Variants in SLC11A2 observed in about 807,000 individuals in gnomAD.
SLC11A2 encodes the protein solute carrier family 11 member 2, also known as natural resistance-associated macrophage protein 2.
Under a neutral mutation model 68.0 loss-of-function variants are expected in SLC11A2, and 38 were observed. That is an observed-to-expected ratio of 0.56 (90% CI 0.43 to 0.73). The LOEUF (loss-of-function observed/expected upper bound fraction) is 0.73, where lower values mean the gene tolerates loss of function less well. Ranked by LOEUF, SLC11A2 falls within the 30% of genes least tolerant of loss-of-function variation. The pLI is 0.00. For synonymous variants in SLC11A2, 242 were observed against 250.6 expected (o/e 0.97, Z 0.32); for missense variants, 517 against 690.5 (o/e 0.75, Z 2.82).
the SLC11A2 span, among the ~76,000 whole-genome samples, chr12:50,972,704 C>G: frequency 2.6e-5 from 4 of 152,236 alleles, no homozygotes; most frequent in African/African-American, 9.7e-5. Context: ...ATCGCCTCAC[C>G]CGGGAACCAC....
the SLC11A2 span, among the ~76,000 whole-genome samples, chr12:50,972,264 T>C: frequency 7.2e-5 from 11 of 152,228 alleles, no homozygotes; most frequent in Non-Finnish European, 1.5e-4. Flanking sequence ...TAGCTTTTCC[T>C]ACAAAACCCA....
At chr12:51,014,710 AGG>A (rs1223997061) in intron 1 of SLC11A2, among the ~76,000 whole-genome samples, 1 of 151,752 alleles carries the variant, frequency 6.6e-6, no homozygotes, top group Non-Finnish European at 1.5e-5. Flanking sequence ...AACATTAGCC[AGG>A]CGTGGTGGTA....
At chr12:51,005,049 A>G (rs1452354454) in intron 4 of SLC11A2, 142 bp from the exon 5 acceptor site, 19 of 1,092,470 alleles carry the variant, frequency 1.7e-5, no homozygotes, top group South Asian at 4.1e-5. Flanking sequence ...CTTGAGTTCT[A>G]TAACAGATTT....
the SLC11A2 span, among the ~76,000 whole-genome samples, chr12:50,957,721 C>T: frequency 6.6e-6 from 1 of 151,424 alleles, no homozygotes; most frequent in African/African-American, 2.4e-5. Context: ...CCCATGTCTA[C>T]TAAAAATACA....
chr12:50,964,469 T>C, the SLC11A2 span, among the ~76,000 whole-genome samples: 27,862 of 152,076 alleles, frequency 0.18, 2,916 homozygotes, highest in East Asian at 0.5. Context: ...CTAAAAGATA[T>C]AATGCATTCC....
At chr12:50,994,900 A>G (rs1941555671) in intron 10 of SLC11A2, 1 of 441,448 alleles carries the variant, frequency 2.3e-6, no homozygotes, top group Non-Finnish European at 4.2e-6. Context: ...AAATGATGAC[A>G]AGAGGAGAGG....
chr12:50,981,535 T>G, downstream of SLC11A2: 1 of 541,384 alleles, frequency 1.8e-6, no homozygotes, highest in East Asian at 3.5e-5. Flanking sequence ...ATGACTGTTA[T>G]GAGGTGGGTG....
intron 8 of SLC11A2, among the ~76,000 whole-genome samples, chr12:50,998,387 A>G (rs971627628): frequency 2.0e-5 from 3 of 152,170 alleles, no homozygotes; most frequent in Non-Finnish European, 4.4e-5. Context: ...ATAAAAATCT[A>G]AAAATTAAAA....
intron 1 of SLC11A2, among the ~76,000 whole-genome samples, chr12:51,017,139 T>TA (rs552891053): frequency 1.4e-4 from 21 of 145,424 alleles, no homozygotes; most frequent in East Asian, 1.2e-3. Context: ...ATGTATTCTT[T>TA]AAAAAAAAAA....
At chr12:51,028,184 A>G (rs1035323742), upstream of SLC11A2, 3 of 1,534,328 alleles carry the variant, frequency 2.0e-6, no homozygotes, top group East Asian at 2.4e-5. Flanking sequence ...TACTTAGTTC[A>G]CAGTGTGGAG....
chr12:51,016,138 T>C (rs1356946656), intron 1 of SLC11A2, among the ~76,000 whole-genome samples: 1 of 152,108 alleles, frequency 6.6e-6, no homozygotes, highest in Non-Finnish European at 1.5e-5. Flanking sequence ...TAGTGGCTCA[T>C]GCCTGTAATC....
chr12:51,003,171 G>T (rs991294355), intron 5 of SLC11A2, among the ~76,000 whole-genome samples: 3 of 151,808 alleles, frequency 2.0e-5, no homozygotes, highest in East Asian at 1.9e-4. Context: ...GAAGGCGGAG[G>T]TTGCAGTGAG....
intron 8 of SLC11A2, among the ~76,000 whole-genome samples, chr12:50,998,737 G>A (rs1941950839): frequency 6.6e-6 from 1 of 152,214 alleles, no homozygotes; most frequent in South Asian, 2.1e-4. Flanking sequence ...GAAATATCCA[G>A]TATATTTCAT....
intron 1 of SLC11A2, among the ~76,000 whole-genome samples, chr12:51,013,289 C>CTT (rs10588295): frequency 2.0e-4 from 26 of 130,964 alleles, no homozygotes; most frequent in African/African-American, 5.3e-4. Flanking sequence ...AATTAAATTG[C>CTT]TTTTTTTTTT....
chr12:50,960,901 A>G, the SLC11A2 span: 8 of 1,399,640 alleles, frequency 5.7e-6, no homozygotes, highest in South Asian at 4.7e-5. Flanking sequence ...GCTGTTTTCA[A>G]ACTCCTGGTC....
chr12:50,994,452 G>A, intron 11 of SLC11A2, 92 bp downstream of exon 11: 1 of 811,382 alleles, frequency 1.2e-6, no homozygotes, highest in Admixed American at 1.8e-5. Context: ...GAGGAGATAT[G>A]CTCATATCTG....
intron 1 of SLC11A2, among the ~76,000 whole-genome samples, chr12:51,021,966 G>C (rs555371289): frequency 1.3e-5 from 2 of 151,998 alleles, no homozygotes; most frequent in Non-Finnish European, 2.9e-5. Flanking sequence ...AATTAGAAGG[G>C]GCTGGTACCC....
chr12:51,005,574 C>T, intron 3 of SLC11A2, 138 bp from the exon 4 acceptor site: 1 of 1,501,476 alleles, frequency 6.7e-7, no homozygotes, highest in South Asian at 1.2e-5. Flanking sequence ...TTGCATGTGT[C>T]CAAGTTTCAC....
downstream of SLC11A2, chr12:50,981,780 C>T: frequency 6.5e-7 from 1 of 1,533,508 alleles, no homozygotes; most frequent in Non-Finnish European, 8.7e-7. Flanking sequence ...AGAGTTCAGG[C>T]TGAGCTGTCA....
Sources: gnomAD v4.1 joint callset for allele counts (sites outside exome capture counted in the v4.1 genomes callset) on GRCh38, gnomAD v4.1.1 for gene constraint, MANE v1.5 for transcripts, NCBI Gene and HGNC (gene_info 2026-07-23, HGNC 2026-07-21) for gene names.